The following RNF217 variants were observed in gnomAD, a reference collection of about 807,000 sequenced individuals.
RNF217 encodes the protein E3 ubiquitin-protein ligase RNF217.
RNF217 carries 31 observed loss-of-function variants against 57.8 expected under a neutral mutation model. That is an observed-to-expected ratio of 0.54 (90% CI 0.40 to 0.72). RNF217 has a LOEUF of 0.72. Among genes scored for constraint, RNF217 ranks in the 30% least tolerant of loss-of-function variants. The pLI is 0.00. For synonymous variants in RNF217, 313 were observed against 294.0 expected, an observed-to-expected ratio of 1.06 and a Z score of -0.66; for missense variants, 696 against 708.3, an observed-to-expected ratio of 0.98 and a Z score of 0.20.
At chr6:125,017,579 G>A (rs990151854) in intron 1 of RNF217, among the ~76,000 whole-genome samples, 2 of 152,162 alleles carry the variant, frequency 1.3e-5, no homozygotes, top group Non-Finnish European at 1.5e-5. Context: ...ATCTTATTAT[G>A]AGAAGTGTTC....
intron 1 of RNF217, among the ~76,000 whole-genome samples, chr6:125,027,688 T>C (rs1375390213): frequency 2.0e-5 from 3 of 152,174 alleles, no homozygotes; most frequent in African/African-American, 7.2e-5. Flanking sequence ...GATTGCTGGA[T>C]CATATGGTAG....
chr6:125,035,268 C>G (rs952661999), intron 1 of RNF217, among the ~76,000 whole-genome samples: 1 of 151,976 alleles, frequency 6.6e-6, no homozygotes, highest in South Asian at 2.1e-4. Context: ...GCATCCCTGT[C>G]TTGTGCCAGT....
intron 1 of RNF217, among the ~76,000 whole-genome samples, chr6:124,974,232 A>G (rs1307723094): frequency 6.6e-6 from 1 of 152,218 alleles, no homozygotes; most frequent in Non-Finnish European, 1.5e-5. Flanking sequence ...ATTTGGGGCC[A>G]TATTTTAAAA....
At chr6:125,037,837 AT>A (rs1786704665) in intron 1 of RNF217, among the ~76,000 whole-genome samples, 2 of 152,326 alleles carry the variant, frequency 1.3e-5, no homozygotes, top group South Asian at 4.1e-4. Context: ...CAGAGGAAAT[AT>A]GAAATTCCCT....
chr6:125,070,489 A>G (rs1229361921), intron 3 of RNF217, among the ~76,000 whole-genome samples: 1 of 152,208 alleles, frequency 6.6e-6, no homozygotes, highest in Non-Finnish European at 1.5e-5. Flanking sequence ...TCTTTTCACC[A>G]CATTCACACC....
At chr6:124,973,966 C>T (rs1280813293) in intron 1 of RNF217, among the ~76,000 whole-genome samples, 3 of 152,218 alleles carry the variant, frequency 2.0e-5, no homozygotes, top group Non-Finnish European at 4.4e-5. Context: ...TGATGCCGGC[C>T]GTTGTCAGTG....
intron 2 of RNF217, chr6:125,046,510 C>A: frequency 2.2e-6 from 1 of 444,644 alleles, no homozygotes; most frequent in Non-Finnish European, 4.5e-6. Context: ...ATTTTTGAGC[C>A]TCACCAGGTG....
chr6:125,010,187 G>A (rs560323362), intron 1 of RNF217, among the ~76,000 whole-genome samples: 2 of 152,184 alleles, frequency 1.3e-5, no homozygotes, highest in South Asian at 4.2e-4. Context: ...TTGCTCTAAA[G>A]GAATGAAGAT....
intron 1 of RNF217, among the ~76,000 whole-genome samples, chr6:125,015,431 T>C (rs1785564753): frequency 6.6e-6 from 1 of 151,986 alleles, no homozygotes; most frequent in Non-Finnish European, 1.5e-5. Flanking sequence ...ATCACTACAA[T>C]ATAGTAGAGA....
At chr6:125,080,449 A>G (rs1199058347) in intron 4 of RNF217, among the ~76,000 whole-genome samples, 2 of 152,088 alleles carry the variant, frequency 1.3e-5, no homozygotes, top group South Asian at 4.1e-4. Context: ...TTTTTAGTGT[A>G]ATTGATTATT....
chr6:125,019,734 T>TA (rs1412666660), intron 1 of RNF217, among the ~76,000 whole-genome samples: 3 of 151,320 alleles, frequency 2.0e-5, no homozygotes, highest in Non-Finnish European at 4.4e-5. Flanking sequence ...CTCCAACACT[T>TA]ACTGGTGCTA....
intron 4 of RNF217, among the ~76,000 whole-genome samples, chr6:125,079,902 T>C (rs1788512198): frequency 6.6e-6 from 1 of 152,092 alleles, no homozygotes; most frequent in Non-Finnish European, 1.5e-5. Context: ...AGAGATAGTA[T>C]GCCTAGTCCC....
chr6:125,038,370 G>A (rs771465588), intron 1 of RNF217, among the ~76,000 whole-genome samples: 34 of 152,046 alleles, frequency 2.2e-4, no homozygotes, highest in Non-Finnish European at 4.1e-4. Flanking sequence ...TAGATATATG[G>A]TATCATGGTT....
At chr6:125,021,363 T>C (rs1383717343) in intron 1 of RNF217, among the ~76,000 whole-genome samples, 1 of 151,716 alleles carries the variant, frequency 6.6e-6, no homozygotes, top group African/African-American at 2.4e-5. Context: ...ACCTCCCGGA[T>C]TCAAGCAATT....
chr6:124,972,258 A>G (rs1783792090), intron 1 of RNF217, among the ~76,000 whole-genome samples: 1 of 152,046 alleles, frequency 6.6e-6, no homozygotes. Flanking sequence ...CTTCATCTTT[A>G]AAATATATCT....
intron 3 of RNF217, among the ~76,000 whole-genome samples, chr6:125,066,352 C>T (rs1394730511): frequency 6.6e-6 from 1 of 152,158 alleles, no homozygotes; most frequent in Non-Finnish European, 1.5e-5. Context: ...TAGAACCCGT[C>T]GCCCTCTGGA....
chr6:125,066,096 C>T (rs1413468896), intron 3 of RNF217, among the ~76,000 whole-genome samples: 2 of 152,144 alleles, frequency 1.3e-5, no homozygotes, highest in Non-Finnish European at 2.9e-5. Context: ...GATTGTGCCA[C>T]TAAAATGTAT....
At chr6:124,970,815 A>G (rs1032767431) in intron 1 of RNF217, among the ~76,000 whole-genome samples, 1 of 152,218 alleles carries the variant, frequency 6.6e-6, no homozygotes, top group Non-Finnish European at 1.5e-5. Flanking sequence ...CTAATTCGGC[A>G]AGAAGAGTAC....
At chr6:125,070,503 A>T (rs1788093766) in intron 3 of RNF217, among the ~76,000 whole-genome samples, 1 of 152,196 alleles carries the variant, frequency 6.6e-6, no homozygotes, top group South Asian at 2.1e-4. Flanking sequence ...TCACACCAAC[A>T]TCTATTGTTT....
Sources: gnomAD v4.1 joint callset for allele counts (sites outside exome capture counted in the v4.1 genomes callset) on GRCh38, gnomAD v4.1.1 for gene constraint, MANE v1.5 for transcripts, NCBI Gene and HGNC (gene_info 2026-07-23, HGNC 2026-07-21) for gene names.